The following PRKG2 variants were observed in gnomAD, a reference collection of about 807,000 sequenced individuals.
PRKG2 encodes protein kinase cGMP-dependent 2.
PRKG2 carries 33 observed loss-of-function variants against 97.2 expected under a neutral mutation model. That is an observed-to-expected ratio of 0.34 (90% confidence interval 0.26 to 0.45). PRKG2 has a LOEUF of 0.45. PRKG2 is among the 20% of genes least tolerant of loss of function. PRKG2 has a pLI of 1.00. For missense variants in PRKG2, 638 were observed against 900.0 expected, an observed-to-expected ratio of 0.71 and a Z score of 3.73; for synonymous variants, 330 against 321.8, an observed-to-expected ratio of 1.03 and a Z score of -0.27.
chr4:81,206,004 C>A (rs925758429), intron 1 of PRKG2, among the ~76,000 whole-genome samples: 13 of 152,034 alleles, frequency 8.6e-5, no homozygotes, highest in Non-Finnish European at 1.5e-4. Context: ...ACTATCACCA[C>A]AAAGTTGTGA....
At chr4:81,135,651 G>A (rs1309650636) in intron 13 of PRKG2, among the ~76,000 whole-genome samples, 1 of 152,138 alleles carries the variant, frequency 6.6e-6, no homozygotes, top group East Asian at 1.9e-4. Context: ...GCTTGAACCA[G>A]ACTTTTGCAA....
intron 18 of PRKG2, among the ~76,000 whole-genome samples, chr4:81,091,899 A>T (rs1741576430): frequency 6.6e-6 from 1 of 152,208 alleles, no homozygotes; most frequent in South Asian, 2.1e-4. Flanking sequence ...ATGTGCTGTA[A>T]CAGTAAAATT....
At chr4:81,104,755 C>T (rs1162406770) in intron 16 of PRKG2, among the ~76,000 whole-genome samples, 1 of 151,976 alleles carries the variant, frequency 6.6e-6, no homozygotes, top group African/African-American at 2.4e-5. Flanking sequence ...CCGGGGCAAG[C>T]TTTAGAGAAT....
intron 3 of PRKG2, chr4:81,173,697 G>A (rs1297792123): frequency 4.6e-5 from 7 of 152,070 alleles, no homozygotes; most frequent in Admixed American, 1.3e-4. Context: ...AATAATCAAC[G>A]TATATAAAAC....
At chr4:81,102,401 T>C (rs984681856) in intron 17 of PRKG2, among the ~76,000 whole-genome samples, 2 of 152,204 alleles carry the variant, frequency 1.3e-5, no homozygotes, top group Non-Finnish European at 2.9e-5. Context: ...AGAATGTATA[T>C]TGGAAGAATG....
chr4:81,091,094 A>C (rs1318669801), intron 18 of PRKG2, among the ~76,000 whole-genome samples: 1 of 152,174 alleles, frequency 6.6e-6, no homozygotes, highest in South Asian at 2.1e-4. Context: ...TCAAGCATAG[A>C]AGCATTTTAC....
At chr4:81,189,066 T>TAAAATAAAAAAAAAAAAAAAA (rs1752192390) in intron 2 of PRKG2, among the ~76,000 whole-genome samples, 1 of 17,062 alleles carries the variant, frequency 5.9e-5, no homozygotes, top group African/African-American at 7.9e-4. Context: ...AAAAAAATAA[T>TAAAATAAAAAAAAAAAAAAAA]AAAAAAAAAA....
intron 7 of PRKG2, 42 bp downstream of exon 7, chr4:81,153,601 TA>T: frequency 6.8e-7 from 1 of 1,463,636 alleles, no homozygotes; most frequent in Non-Finnish European, 9.5e-7. Flanking sequence ...CAAACTGATT[TA>T]AAATAATCTT....
chr4:81,192,389 T>C (rs1193408981), intron 2 of PRKG2: 4 of 152,164 alleles, frequency 2.6e-5, no homozygotes, highest in Non-Finnish European at 2.9e-5. Flanking sequence ...GGTGGTCACA[T>C]GGGTATGTTC....
chr4:81,186,377 G>T lies in PRKG2; in HGVS notation c.462-11418C>A, dbSNP rs532355283. 4.6e-5 allele frequency among the ~76,000 whole-genome samples: 7 copies of T among 152,096 alleles called. No homozygotes were observed. In the East Asian group the frequency reaches 1.3e-3, roughly 29 times the overall value. ...CAACCTGCTCCTGAATGACTACTGG[G>T]TAAATAACAAAATTAAGGCAGAAAT... On this transcript the variant is annotated intron_variant, in intron 2 of 18. Transcript: ENST00000264399.
chr4:81,090,974 C>T (rs1741475601), intron 18 of PRKG2, among the ~76,000 whole-genome samples: 1 of 152,088 alleles, frequency 6.6e-6, no homozygotes, highest in Non-Finnish European at 1.5e-5. Flanking sequence ...CCATTTGACA[C>T]TGCATGCCAT....
rs182547757 is a variant in PRKG2 at position 81,206,461 on chromosome 4, G to A, written c.-13-1401C>T. On this transcript the variant is annotated intron_variant, in intron 1 of 18. Coordinates refer to ENST00000264399, the MANE Select transcript of PRKG2 (RefSeq NM_006259.3). Reference sequence around the variant, plus strand: ...TGCCTTTGCTTTTCCTTTGCCTTCCGCCATGATTATGAGGCTTCCCCAGCC... The same window carrying A: ...TGCCTTTGCTTTTCCTTTGCCTTCCACCATGATTATGAGGCTTCCCCAGCC... Among the ~76,000 whole-genome samples, 37 of 152,116 alleles carry A rather than the reference G, an allele frequency of 2.4e-4. No individual in the cohort carries two copies. In the East Asian group the frequency reaches 5.6e-3, roughly 23 times the overall value.
rs979907528 is a variant in PRKG2, at chr4:81,135,048, A to T, written c.1776+107T>A. On this transcript the variant is annotated intron_variant, in intron 14 of 18. Transcript: ENST00000264399. The stretch of plus-strand genomic sequence containing the variant: ...AATGTCAAAGGCCATACTGCCAAAG[A>T]GAGAATAACAGCTGCACTAAAATTA... 3.6e-6 allele frequency: 4 copies of T among 1,111,296 alleles called. No individual in the cohort carries two copies. In the African/African-American group the frequency reaches 6.3e-5, roughly 17 times the overall value. The allele number at this position is 1,111,296 out of a possible 1,614,324, so 68.8% of individuals were successfully genotyped here. A position where few individuals can be genotyped will look rare whatever the true frequency, so the allele number is the denominator to read the frequency against.
chr4:81,136,933 T>C (rs987973934), intron 13 of PRKG2, among the ~76,000 whole-genome samples: 5 of 152,178 alleles, frequency 3.3e-5, no homozygotes, highest in Non-Finnish European at 7.3e-5. Context: ...GCCTTTTACA[T>C]AGGTGGTGCT....
chr4:81,208,741 A>C (rs891792279), intron 1 of PRKG2, among the ~76,000 whole-genome samples: 2 of 152,144 alleles, frequency 1.3e-5, no homozygotes, highest in African/African-American at 4.8e-5. Flanking sequence ...GGTGGCCGGG[A>C]GTAAGGGACT....
chr4:81,096,900 T>C (rs538820026), intron 17 of PRKG2, among the ~76,000 whole-genome samples: 1 of 152,316 alleles, frequency 6.6e-6, no homozygotes, highest in Non-Finnish European at 1.5e-5. Flanking sequence ...CAGACTCCTA[T>C]TGATGTTGCT....
chr4:81,189,290 T>C (rs1752249594), intron 2 of PRKG2, among the ~76,000 whole-genome samples: 1 of 129,608 alleles, frequency 7.7e-6, no homozygotes. Flanking sequence ...GAATGAGTTC[T>C]TTCTGAAGAG....
At chr4:81,153,172 T>C (rs934657158) in intron 7 of PRKG2, among the ~76,000 whole-genome samples, 10 of 152,250 alleles carry the variant, frequency 6.6e-5, no homozygotes, top group Non-Finnish European at 1.2e-4. Flanking sequence ...TCACTTGAGC[T>C]GTTTTGTATC....
chr4:81,147,055 C>CATT (rs1560578250), intron 9 of PRKG2, among the ~76,000 whole-genome samples: 2 of 152,022 alleles, frequency 1.3e-5, no homozygotes, highest in Non-Finnish European at 2.9e-5. Flanking sequence ...TCTCATTGTG[C>CATT]CTAATGCAAT....
Sources: allele counts gnomAD v4.1 joint callset (sites outside exome capture counted in the v4.1 genomes callset), GRCh38; gene constraint gnomAD v4.1.1; transcripts MANE v1.5; gene names NCBI Gene and HGNC (gene_info 2026-07-23, HGNC 2026-07-21).